Variants in PCDHA2 observed in about 807,000 individuals in gnomAD.
The protein encoded by PCDHA2 is protocadherin alpha 2.
Under a neutral mutation model 66.0 loss-of-function variants are expected in PCDHA2, and 58 were observed. The ratio of observed to expected loss-of-function variants is 0.88; its 90% CI spans 0.71 to 1.09. The LOEUF is 1.09. PCDHA2 is among the 50% of genes least tolerant of loss of function. The pLI, the probability that PCDHA2 is intolerant of heterozygous loss-of-function variation, is 0.00. For missense variants in PCDHA2, 1,267 were observed against 1,242.3 expected (o/e 1.02, Z -0.30); for synonymous variants, 634 against 554.0 (o/e 1.14, Z -2.03).
intron 1 of PCDHA2, among the ~76,000 whole-genome samples, chr5:140,855,001 A>G (rs1315198457): frequency 1.3e-4 from 20 of 149,948 alleles, no homozygotes; most frequent in Admixed American, 1.2e-3. Context: ...CCCGTGTAAG[A>G]TATTATAAAA....
chr5:140,914,724 G>A (rs923867157), intron 1 of PCDHA2, among the ~76,000 whole-genome samples: 1 of 150,732 alleles, frequency 6.6e-6, no homozygotes, highest in Non-Finnish European at 1.5e-5. Flanking sequence ...TTTATTTTTT[G>A]TGTATCCATT....
rs781787163 is a variant in PCDHA2, at chr5:140,869,186, G to A, written c.2388+71834G>A. 7 of 1,614,006 alleles carry A rather than the reference G, an allele frequency of 4.3e-6. No individual in the cohort carries two copies. The South Asian group carries it at 4.4e-5, about 10-fold the overall frequency. ...CTCCTCGAATTCTGGGAGGTGGGGA[G>A]CGGCCAGCTCCACTACTCCGTCTCG... On this transcript the variant is annotated intron_variant, in intron 1 of 3. Transcript: ENST00000526136.
chr5:140,882,462 G>T, intron 1 of PCDHA2: 1 of 1,614,036 alleles, frequency 6.2e-7, no homozygotes, highest in Non-Finnish European at 8.5e-7. Context: ...CGCCTGTTCC[G>T]GGTGGCGTCC....
intron 1 of PCDHA2, chr5:140,867,978 C>T (rs1283630691): frequency 6.6e-6 from 1 of 152,064 alleles, no homozygotes; most frequent in East Asian, 1.9e-4. Flanking sequence ...CAACAAGAAA[C>T]AAACTATTTT....
chr5:140,850,964 C>A, intron 1 of PCDHA2: 1 of 1,468,876 alleles, frequency 6.8e-7, no homozygotes, highest in South Asian at 1.4e-5. Context: ...TCCCAGGGGC[C>A]GTTCAAATAG....
intron 3 of PCDHA2, among the ~76,000 whole-genome samples, chr5:140,984,413 CAGAGAT>C (rs1244237847): frequency 1.3e-5 from 2 of 152,148 alleles, no homozygotes; most frequent in African/African-American, 4.8e-5. Context: ...ATCTTTTTTA[CAGAGAT>C]AGAGAAGGGG....
intron 1 of PCDHA2, chr5:140,829,624 C>T (rs2150171535): frequency 8.4e-5 from 136 of 1,612,064 alleles, no homozygotes; most frequent in Non-Finnish European, 1.1e-4. Flanking sequence ...TTTCGGTGCA[C>T]GCGGAGAGCG....
In PCDHA2 at chr5:141,010,171, A is replaced by G. The variant is rs2098416277; in HGVS notation, c.*234A>G. On this transcript the variant is annotated 3_prime_UTR_variant, in exon 4 of 4. Transcript: ENST00000526136. ...CCACTCTGGCTTGTTTTCAGAACCTAAAAAGCAGACCCAAGTTTCCTTTCT... is the reference window on the plus strand; with the variant it reads ...CCACTCTGGCTTGTTTTCAGAACCTGAAAAGCAGACCCAAGTTTCCTTTCT... The G allele has an allele frequency of 3.2e-6, 5 of 1,559,030 alleles. No individual in the cohort carries two copies. Among genetic ancestry groups the G allele is most frequent in the Non-Finnish European group, 4.3e-6 (5 of 1,150,704 alleles).
At chr5:140,842,434 A>C (rs2150336134) in intron 1 of PCDHA2, 2 of 1,613,586 alleles carry the variant, frequency 1.2e-6, no homozygotes, top group Non-Finnish European at 8.5e-7. Flanking sequence ...TCATCGCCCT[A>C]ATTAGCGTGA....
At position 140,836,017 on chromosome 5, in the gene PCDHA2, T is replaced by C. The variant is rs1201962731; in HGVS notation, c.2388+38665T>C. Reference sequence around the variant, plus strand: ...GCGCGCGATGCGGGCGTGCCGCCTCTGGGCAGCAACGTGACGCTGCAGGTG... The same window carrying C: ...GCGCGCGATGCGGGCGTGCCGCCTCCGGGCAGCAACGTGACGCTGCAGGTG... On this transcript the variant is annotated intron_variant, in intron 1 of 3. Transcript: ENST00000526136. The C allele has an allele frequency of 5.6e-6, 9 of 1,613,360 alleles. No individual in the cohort carries two copies. In the African/African-American group the frequency reaches 1.1e-4, roughly 19 times the overall value.
chr5:140,915,324 T>G (rs782080439), intron 1 of PCDHA2, among the ~76,000 whole-genome samples: 1 of 152,210 alleles, frequency 6.6e-6, no homozygotes, highest in Non-Finnish European at 1.5e-5. Flanking sequence ...ATTACAGTGT[T>G]ATAATATTCT....
chr5:140,909,341 T>C (rs2074443719), intron 1 of PCDHA2, among the ~76,000 whole-genome samples: 1 of 152,222 alleles, frequency 6.6e-6, no homozygotes, highest in African/African-American at 2.4e-5. Context: ...GCATACCAGG[T>C]ACCAAGAGAT....
Position 140,822,071 on chromosome 5 carries a change from C to T in PCDHA2, c.2388+24719C>T. The T allele has an allele frequency of 6.2e-7, 1 of 1,614,190 alleles. No homozygotes were observed. Among genetic ancestry groups the T allele is most frequent in the Non-Finnish European group, 8.5e-7 (1 of 1,180,032 alleles). ...CGGGAGGAGCTGTGCCGGCGGAGGG[C>T]GGAGTGCAGCATCCACCTGGAGGTG... On this transcript the variant is annotated intron_variant, in intron 1 of 3. Transcript: ENST00000526136.
Position 140,843,987 on chromosome 5 carries a change from G to T in PCDHA2, c.2388+46635G>T, listed in dbSNP as rs1007978772. ...ATTTATTTTGGCCTGCCTTACAGCCGTCTTCTCTGAACAATACTCTAAGGA... is the reference window on the plus strand; with the variant it reads ...ATTTATTTTGGCCTGCCTTACAGCCTTCTTCTCTGAACAATACTCTAAGGA... On this transcript the variant is annotated intron_variant, in intron 1 of 3. Coordinates refer to ENST00000526136, the MANE Select transcript of PCDHA2 (RefSeq NM_018905.3). Among the ~76,000 whole-genome samples the T allele has an allele frequency of 1.5e-4, 23 of 149,540 alleles. 2 individuals are homozygous for T. The highest frequency in any genetic ancestry group is 5.6e-4 in the African/African-American group (23 of 40,920).
At chr5:140,821,800 C>A (rs2150110743) in intron 1 of PCDHA2, 25 of 1,613,116 alleles carry the variant, frequency 1.5e-5, no homozygotes, top group Non-Finnish European at 1.7e-5. Context: ...GAGAGGAAGT[C>A]TGGGATCCCG....
rs538379527 is a variant in PCDHA2, at chr5:140,803,537, A to G, written c.2388+6185A>G. 1.2e-5 allele frequency: 19 copies of G among 1,614,192 alleles called. No homozygotes were observed. In the South Asian group the frequency reaches 1.9e-4, roughly 16 times the overall value. On this transcript the variant is annotated intron_variant, in intron 1 of 3. Coordinates refer to ENST00000526136, the MANE Select transcript of PCDHA2 (RefSeq NM_018905.3). The stretch of plus-strand genomic sequence containing the variant: ...TTAGCCCTAGCCTTCCTCCTTGTCC[A>G]ATTAGCCGGGATAGAGAGGAGAAAC...
chr5:140,805,015 G>T (rs1554123180), intron 1 of PCDHA2: 1 of 1,560,672 alleles, frequency 6.4e-7, no homozygotes, highest in African/African-American at 1.3e-5. Context: ...TCTGTTATCA[G>T]CTTCTTGAAT....
chr5:140,891,426 C>A lies in PCDHA2; in HGVS notation c.2389-87523C>A, dbSNP rs76102230. On this transcript the variant is annotated intron_variant, in intron 1 of 3. Transcript: ENST00000526136. ...CCACCCCCCACTCTTGCCCCCAAGTCCCCAACGTCCATTGTATAGGATTTT... is the reference window on the plus strand; with the variant it reads ...CCACCCCCCACTCTTGCCCCCAAGTACCCAACGTCCATTGTATAGGATTTT... Among the ~76,000 whole-genome samples, 774 of 148,652 alleles carry A rather than the reference C, an allele frequency of 5.2e-3. 4 individuals are homozygous for A. Among genetic ancestry groups the A allele is most frequent in the African/African-American group, 0.018 (747 of 40,514 alleles).
intron 1 of PCDHA2, among the ~76,000 whole-genome samples, chr5:140,961,617 C>T (rs781986571): frequency 2.0e-5 from 3 of 152,086 alleles, no homozygotes; most frequent in Non-Finnish European, 4.4e-5. Context: ...AACTAAAGTG[C>T]CCATATGAAA....
Sources: gnomAD v4.1 joint callset for allele counts (sites outside exome capture counted in the v4.1 genomes callset) on GRCh38, gnomAD v4.1.1 for gene constraint, MANE v1.5 for transcripts, NCBI Gene and HGNC (gene_info 2026-07-23, HGNC 2026-07-21) for gene names.